Variants in TLK2 observed in about 807,000 individuals in gnomAD.
TLK2 encodes serine/threonine-protein kinase tousled-like 2.
A neutral mutation model predicts 117.3 loss-of-function variants in TLK2; 6 were observed. The ratio of observed to expected loss-of-function variants is 0.05; its 90% confidence interval spans 0.03 to 0.10. The LOEUF (loss-of-function observed/expected upper bound fraction) is 0.10. Ranked by LOEUF, TLK2 falls within the 10% of genes least tolerant of loss-of-function variation. The pLI, the probability that TLK2 is intolerant of heterozygous loss-of-function variation, is 1.00. For synonymous variants in TLK2, 257 were observed against 316.7 expected, an observed-to-expected ratio of 0.81 and a Z score of 2.00; for missense variants, 299 against 901.2, an observed-to-expected ratio of 0.33 and a Z score of 8.56.
At chr17:62,557,759 C>T (rs1424452478) in intron 9 of TLK2, among the ~76,000 whole-genome samples, 1 of 152,184 alleles carries the variant, frequency 6.6e-6, no homozygotes, top group Non-Finnish European at 1.5e-5. Flanking sequence ...CATCATCTGA[C>T]TCTTTAAGAT....
intron 2 of TLK2, among the ~76,000 whole-genome samples, chr17:62,488,394 G>C (rs1373790460): frequency 2.0e-5 from 3 of 152,072 alleles, no homozygotes; most frequent in African/African-American, 7.2e-5. Context: ...TCTAGTGTCA[G>C]CTTTTTCACA....
At chr17:62,537,311 A>G (rs1408812878) in intron 7 of TLK2, among the ~76,000 whole-genome samples, 2 of 152,262 alleles carry the variant, frequency 1.3e-5, no homozygotes, top group Non-Finnish European at 1.5e-5. Flanking sequence ...TGTGCATGAT[A>G]TGGAATGTTT....
At chr17:62,493,901 G>T (rs961306038) in intron 2 of TLK2, among the ~76,000 whole-genome samples, 1 of 152,046 alleles carries the variant, frequency 6.6e-6, no homozygotes, top group African/African-American at 2.4e-5. Flanking sequence ...GGGATTACAG[G>T]TGCCCACCAC....
chr17:62,528,441 A>C (rs1475613850), intron 6 of TLK2, among the ~76,000 whole-genome samples: 1 of 151,928 alleles, frequency 6.6e-6, no homozygotes, highest in Non-Finnish European at 1.5e-5. Flanking sequence ...TTTGGAGACA[A>C]AGTCTCACTG....
At chr17:62,543,749 T>C (rs1209144786) in intron 7 of TLK2, among the ~76,000 whole-genome samples, 1 of 152,236 alleles carries the variant, frequency 6.6e-6, no homozygotes, top group Non-Finnish European at 1.5e-5. Flanking sequence ...GTCAACTATA[T>C]GATTGGCAAA....
chr17:62,530,566 A>G (rs1598406090), intron 6 of TLK2, among the ~76,000 whole-genome samples: 1 of 152,292 alleles, frequency 6.6e-6, no homozygotes, highest in South Asian at 2.1e-4. Context: ...ATGTCCCCAG[A>G]ACACTGTTTA....
intron 19 of TLK2, among the ~76,000 whole-genome samples, chr17:62,604,232 C>T (rs2083091041): frequency 6.6e-6 from 1 of 152,006 alleles, no homozygotes; most frequent in Non-Finnish European, 1.5e-5. Flanking sequence ...GTCTTGAACT[C>T]CTGATATCAG....
chr17:62,518,114 T>C (rs2075760326), intron 2 of TLK2, among the ~76,000 whole-genome samples: 1 of 152,232 alleles, frequency 6.6e-6, no homozygotes, highest in Non-Finnish European at 1.5e-5. Flanking sequence ...ATTGGGTTGC[T>C]AAGCTTGTGG....
chr17:62,585,240 T>G (rs1357277339), intron 15 of TLK2, among the ~76,000 whole-genome samples: 4 of 152,144 alleles, frequency 2.6e-5, no homozygotes, highest in East Asian at 3.9e-4. Flanking sequence ...CAGCCATTTT[T>G]GGGATTAGAA....
chr17:62,605,459 C>G (rs1368568956), intron 19 of TLK2, among the ~76,000 whole-genome samples: 1 of 152,048 alleles, frequency 6.6e-6, no homozygotes, highest in African/African-American at 2.4e-5. Context: ...TGCAGTCAAC[C>G]TCCCCCAGGC....
At chr17:62,604,890 A>T (rs888764431) in intron 19 of TLK2, among the ~76,000 whole-genome samples, 1 of 152,078 alleles carries the variant, frequency 6.6e-6, no homozygotes, top group Non-Finnish European at 1.5e-5. Context: ...AATCTTGCTA[A>T]CTTATTTTTC....
At chr17:62,506,822 C>A (rs2074731921) in intron 2 of TLK2, among the ~76,000 whole-genome samples, 1 of 152,136 alleles carries the variant, frequency 6.6e-6, no homozygotes, top group South Asian at 2.1e-4. Context: ...TTATAGGCCC[C>A]ATAATGAAAT....
In TLK2 at chr17:62,614,144, AAGG is replaced by A. The variant is rs1361389267; in HGVS notation, c.*1582_*1584del. The A allele has an allele frequency of 1.3e-5, 2 of 151,838 alleles. No homozygotes were observed. The highest frequency in any genetic ancestry group is 6.6e-5 in the Admixed American group (1 of 15,248). The allele number at this position is 151,838 out of a possible 1,614,324, so 9.4% of individuals were successfully genotyped here. A position where few individuals can be genotyped will look rare whatever the true frequency, so the allele number is the denominator to read the frequency against. ...GTCTCAGAAAAAAAAAAAAAAAAAA[AAGG>A]AGAAATAGATGTTTCAAATATGAAC... On this transcript the variant is annotated 3_prime_UTR_variant, in exon 22 of 22. Transcript: ENST00000346027.
At chr17:62,569,370 A>G (rs1446503151) in intron 11 of TLK2, among the ~76,000 whole-genome samples, 1 of 151,400 alleles carries the variant, frequency 6.6e-6, no homozygotes, top group African/African-American at 2.4e-5. Flanking sequence ...CAGACCTCTC[A>G]GAGATGAAAT....
At chr17:62,594,113 A>G (rs1465887747) in intron 16 of TLK2, among the ~76,000 whole-genome samples, 1 of 151,764 alleles carries the variant, frequency 6.6e-6, no homozygotes, top group African/African-American at 2.4e-5. Context: ...AAATAATTAA[A>G]AAGTACAGTG....
At chr17:62,541,657 G>T (rs2077542314) in intron 7 of TLK2, among the ~76,000 whole-genome samples, 1 of 152,126 alleles carries the variant, frequency 6.6e-6, no homozygotes, top group Non-Finnish European at 1.5e-5. Flanking sequence ...CCAGGCTGGG[G>T]TACGGTGGCT....
intron 16 of TLK2, among the ~76,000 whole-genome samples, chr17:62,592,669 T>G (rs2082165893): frequency 6.6e-6 from 1 of 152,230 alleles, no homozygotes; most frequent in Non-Finnish European, 1.5e-5. Context: ...GAAGACAGTT[T>G]TTCCATGGAC....
In TLK2 at chr17:62,549,418, A is replaced by AAAAGT. The variant is rs2078228879; in HGVS notation, c.532-2881_532-2880insGTAAA. Among the ~76,000 whole-genome samples, 6 of 8,536 alleles carry AAAAGT rather than the reference A, an allele frequency of 7.0e-4. 1 individual carries two copies. Among genetic ancestry groups the AAAAGT allele is most frequent in the Non-Finnish European group, 1.2e-3 (2 of 1,622 alleles). 5.6% of individuals were successfully genotyped at this position (8,536 alleles called of 152,430 possible). On this transcript the variant is annotated intron_variant, in intron 7 of 21. Coordinates refer to ENST00000346027, the MANE Select transcript of TLK2 (RefSeq NM_006852.6). ...CATCTCAAAAAAAAAAAAAAAAAAA[A>AAAAGT]AAAAAAAAAAAAAAAAAAATAGAAA...
chr17:62,566,929 T>C (rs529092551), intron 11 of TLK2, among the ~76,000 whole-genome samples: 3 of 152,142 alleles, frequency 2.0e-5, no homozygotes, highest in Non-Finnish European at 2.9e-5. Context: ...ATGTAATTAG[T>C]TTTAAGAAGT....
Sources: gnomAD v4.1 joint callset for allele counts (sites outside exome capture counted in the v4.1 genomes callset) on GRCh38, gnomAD v4.1.1 for gene constraint, MANE v1.5 for transcripts, NCBI Gene and HGNC (gene_info 2026-07-23, HGNC 2026-07-21) for gene names.